Variants in HIGD1A observed in about 807,000 individuals in gnomAD.
The protein encoded by HIGD1A is HIG1 hypoxia inducible domain family member 1A.
HIGD1A carries 8 observed loss-of-function variants against 11.3 expected under a neutral mutation model. The observed-to-expected ratio is 0.71, with a 90% confidence interval of 0.42 to 1.28. The LOEUF is 1.28. Ranked by LOEUF, HIGD1A falls within the 50% of genes most tolerant of loss-of-function variation. The pLI, the probability that HIGD1A is intolerant of heterozygous loss-of-function variation, is 0.01. For missense variants in HIGD1A, 107 were observed against 118.8 expected, an observed-to-expected ratio of 0.90 and a Z score of 0.46; for synonymous variants, 32 against 38.4, an observed-to-expected ratio of 0.83 and a Z score of 0.62.
chr3:42,796,341 A>G (rs907802046), intron 1 of HIGD1A, among the ~76,000 whole-genome samples: 1 of 152,194 alleles, frequency 6.6e-6, no homozygotes, highest in African/African-American at 2.4e-5. Context: ...ATTATATATA[A>G]GGTTCAATAA....
At chr3:42,801,165 T>C (rs1162060814) in intron 1 of HIGD1A, among the ~76,000 whole-genome samples, 5 of 152,206 alleles carry the variant, frequency 3.3e-5, no homozygotes, top group African/African-American at 9.7e-5. Context: ...GTTGGAACTG[T>C]AGTGTTTAAT....
intron 2 of HIGD1A, among the ~76,000 whole-genome samples, chr3:42,786,839 A>C (rs2125923655): frequency 6.6e-6 from 1 of 152,228 alleles, no homozygotes; most frequent in South Asian, 2.1e-4. Flanking sequence ...GCAGCCGCAC[A>C]ATCATAGCTC....
rs777191314 is a variant in HIGD1A, at chr3:42,785,246, C to T, written c.*25G>A. On this transcript the variant is annotated 3_prime_UTR_variant, in exon 4 of 4. Transcript: ENST00000321331. ...ATCTAACTAAAGCAAGCTCCTCCAA[C>T]AAGACCAAGACAGCATCTCTTCTTC... 1.9e-6 allele frequency: 3 copies of T among 1,598,688 alleles called. No individual in the cohort carries two copies. Among genetic ancestry groups the T allele is most frequent in the South Asian group, 1.1e-5 (1 of 89,674 alleles).
At chr3:42,796,685 G>T (rs1435236629) in intron 1 of HIGD1A, among the ~76,000 whole-genome samples, 2 of 152,126 alleles carry the variant, frequency 1.3e-5, no homozygotes, top group African/African-American at 2.4e-5. Flanking sequence ...GTGCTGATTG[G>T]TTGGGTTGGA....
intron 1 of HIGD1A, among the ~76,000 whole-genome samples, chr3:42,803,877 C>T (rs548407465): frequency 1.3e-5 from 2 of 152,236 alleles, no homozygotes; most frequent in African/African-American, 4.8e-5. Flanking sequence ...GAGGAAACAC[C>T]AGGTCGGGGA....
chr3:42,790,643 A>G (rs1333991695), intron 2 of HIGD1A, among the ~76,000 whole-genome samples: 1 of 152,244 alleles, frequency 6.6e-6, no homozygotes, highest in South Asian at 2.1e-4. Flanking sequence ...AGAAAACAAT[A>G]AAATCATATT....
chr3:42,795,218 G>A (rs890358721), intron 1 of HIGD1A, among the ~76,000 whole-genome samples: 6 of 71,596 alleles, frequency 8.4e-5, no homozygotes, highest in African/African-American at 2.9e-4. Context: ...CTTATGATTA[G>A]CTTTTTTTTT....
intron 2 of HIGD1A, among the ~76,000 whole-genome samples, chr3:42,792,399 C>A (rs145335948): frequency 6.6e-6 from 1 of 152,152 alleles, no homozygotes; most frequent in African/African-American, 2.4e-5. Context: ...TTTGGCCGGG[C>A]GCGGTGGCTC....
intron 2 of HIGD1A, among the ~76,000 whole-genome samples, chr3:42,790,526 C>T (rs1402691156): frequency 6.6e-6 from 1 of 152,144 alleles, no homozygotes; most frequent in African/African-American, 2.4e-5. Context: ...GAGCAAGACT[C>T]CGTCTCGAAA....
Position 42,783,535 on chromosome 3 carries a change from A to G in HIGD1A, c.*1736T>C, listed in dbSNP as rs1700306909. Among the ~76,000 whole-genome samples, 1 of 152,138 alleles carries G rather than the reference A, an allele frequency of 6.6e-6. No individual in the cohort carries two copies. Among genetic ancestry groups the G allele is most frequent in the South Asian group, 2.1e-4 (1 of 4,838 alleles). On this transcript the variant is annotated 3_prime_UTR_variant, in exon 4 of 4. Transcript: ENST00000321331. ...AAGGTTGAAGCATCAGAATCGCACG[A>G]AGCTAGGAGGTGGAGGGTGCCGTGA...
At position 42,783,394 on chromosome 3, in the gene HIGD1A, T is replaced by G. The variant is rs138502715; in HGVS notation, c.*1877A>C. Among the ~76,000 whole-genome samples the G allele has an allele frequency of 6.6e-6, 1 of 152,086 alleles. No homozygotes were observed. The highest frequency in any genetic ancestry group is 2.4e-5 in the African/African-American group (1 of 41,420). Reference sequence around the variant, plus strand: ...CAGCACTTTGGGAGGCTGAGGCAGATAGATCTCTTGAAGCCAGGAGTTCAA... The same window carrying G: ...CAGCACTTTGGGAGGCTGAGGCAGAGAGATCTCTTGAAGCCAGGAGTTCAA... On this transcript the variant is annotated 3_prime_UTR_variant, in exon 4 of 4. Coordinates refer to ENST00000321331, the MANE Select transcript of HIGD1A (RefSeq NM_014056.4).
chr3:42,802,011 C>T (rs749071298), intron 1 of HIGD1A, among the ~76,000 whole-genome samples: 3 of 152,194 alleles, frequency 2.0e-5, no homozygotes, highest in Non-Finnish European at 4.4e-5. Flanking sequence ...GCCGGGGCAA[C>T]AGGCAAGACC....
intron 3 of HIGD1A, among the ~76,000 whole-genome samples, chr3:42,785,750 G>A (rs114689719): frequency 0.018 from 2,774 of 152,076 alleles, 79 homozygotes; most frequent in African/African-American, 0.063. Context: ...GATAACAGAT[G>A]TTACTATCAA....
In HIGD1A at chr3:42,783,073, AT is replaced by A. The variant is rs2125922650; in HGVS notation, c.*2197del. ...TCTTTTTTAAGGAAACTATTAAATC[AT>A]TAATTTCAGCTGACCAAGAGATTAA... On this transcript the variant is annotated 3_prime_UTR_variant, in exon 4 of 4. Transcript: ENST00000321331. Among the ~76,000 whole-genome samples, 1 of 152,366 alleles carries A rather than the reference AT, an allele frequency of 6.6e-6. No homozygotes were observed. The highest frequency in any genetic ancestry group is 2.4e-5 in the African/African-American group (1 of 41,598).
intron 1 of HIGD1A, among the ~76,000 whole-genome samples, chr3:42,802,612 T>C (rs1408505178): frequency 1.3e-5 from 2 of 152,228 alleles, no homozygotes; most frequent in African/African-American, 4.8e-5. Context: ...GCCACCTGAA[T>C]TGAAAACTGG....
In HIGD1A at chr3:42,796,446, TAAA is replaced by T. The variant is rs10719438; in HGVS notation, c.-22-2174_-22-2172del. 1.2e-3 allele frequency among the ~76,000 whole-genome samples: 175 copies of T among 141,234 alleles called. 3 individuals carry two copies. In the South Asian group the frequency reaches 0.016, roughly 13 times the overall value. The allele number at this position is 141,234 out of a possible 152,430, so 92.7% of individuals were successfully genotyped here. A position where few individuals can be genotyped will look rare whatever the true frequency, so the allele number is the denominator to read the frequency against. On this transcript the variant is annotated intron_variant, in intron 1 of 3. Coordinates refer to ENST00000321331, the MANE Select transcript of HIGD1A (RefSeq NM_014056.4). Reference sequence around the variant, plus strand: ...AAAAATTAGTTGTTGTTTTTTTTTTTAAAAAAAAAAGAGAAATCATGTAACCGC... The same window carrying T: ...AAAAATTAGTTGTTGTTTTTTTTTTTAAAAAAAGAGAAATCATGTAACCGC...
In HIGD1A at chr3:42,785,287, G is replaced by T. The variant is rs762207853; in HGVS notation, c.266C>A (p.Ala89Glu). 3.9e-5 allele frequency: 63 copies of T among 1,610,580 alleles called. No individual in the cohort carries two copies. The highest frequency in any genetic ancestry group is 8.8e-5 in the South Asian group (8 of 90,904). ...TCTCTTCTTCTAAGGCTTAGGTTTT[G>T]CCCAGAATTCCCGATACATGGAATA... ...MGYSMYREFW[A>E]KPKP Residue 89 changes from alanine to glutamate, a missense_variant, in exon 4 of 4, where the codon GCA becomes GAA. Physicochemically the swap from Ala to Glu is moderately radical, Grantham distance 107. Coordinates refer to ENST00000321331, the MANE Select transcript of HIGD1A (RefSeq NM_014056.4).
chr3:42,791,204 A>C (rs536635072), intron 2 of HIGD1A, among the ~76,000 whole-genome samples: 1 of 152,220 alleles, frequency 6.6e-6, no homozygotes, highest in Non-Finnish European at 1.5e-5. Context: ...AAGTATCCAT[A>C]CGGAAAATAA....
intron 2 of HIGD1A, among the ~76,000 whole-genome samples, chr3:42,786,809 T>A (rs1211247779): frequency 6.6e-6 from 1 of 152,182 alleles, no homozygotes; most frequent in Non-Finnish European, 1.5e-5. Flanking sequence ...GGGGTCTTGC[T>A]CTGTTGCCCA....
Sources: gnomAD v4.1 joint callset for allele counts (sites outside exome capture counted in the v4.1 genomes callset) on GRCh38, gnomAD v4.1.1 for gene constraint, MANE v1.5 for transcripts, NCBI Gene and HGNC (gene_info 2026-07-23, HGNC 2026-07-21) for gene names.